The following AMMECR1 variants were observed in gnomAD, a reference collection of about 807,000 sequenced individuals.
AMMECR1 encodes the protein nuclear protein AMMECR1.
A neutral mutation model predicts 22.5 loss-of-function variants in AMMECR1; 3 were observed. The observed-to-expected ratio is 0.13, with a 90% CI of 0.06 to 0.35. The LOEUF is 0.35. AMMECR1 is among the 10% of genes least tolerant of loss of function. The pLI, the probability that AMMECR1 is intolerant of heterozygous loss-of-function variation, is 1.00. For synonymous variants in AMMECR1, 130 were observed against 116.7 expected (o/e 1.11, Z -0.74); for missense variants, 235 against 278.7 (o/e 0.84, Z 1.12).
At chrX:110,312,743 G>A (rs1198217486) in intron 1 of AMMECR1, among the ~76,000 whole-genome samples, 1 of 111,322 alleles carries the variant, frequency 9.0e-6, no homozygotes, top group Non-Finnish European at 1.9e-5. Flanking sequence ...CATAAGATAC[G>A]ACATCAGATT....
At chrX:110,347,724 T>G (rs1339893441) in intron 2 of AMMECR1, among the ~76,000 whole-genome samples, 1 of 112,675 alleles carries the variant, frequency 8.9e-6, no homozygotes, top group Non-Finnish European at 1.9e-5. Context: ...CTGTCAGAGC[T>G]GCTTGTAACA....
chrX:110,314,981 G>A (rs1488218211), intron 1 of AMMECR1, among the ~76,000 whole-genome samples: 1 of 111,606 alleles, frequency 9.0e-6, no homozygotes, highest in African/African-American at 3.3e-5. Flanking sequence ...GTGCGTTTAC[G>A]TATGAGAAGT....
rs1602771431 is a variant in AMMECR1, at chrX:110,198,783, G to A, written c.888-149C>T. The A allele has an allele frequency of 2.3e-5, 10 of 441,736 alleles. No individual in the cohort carries two copies. In the East Asian group the frequency reaches 3.9e-4, roughly 17 times the overall value. 36.4% of individuals were successfully genotyped at this position (441,736 alleles called of 1,213,427 possible). Reference sequence around the variant, plus strand: ...GTGACTGCCCAAGGTCACAGAGATAGTAAGTAGCAAAGCTAAGATCAGAAC... The same window carrying A: ...GTGACTGCCCAAGGTCACAGAGATAATAAGTAGCAAAGCTAAGATCAGAAC... On this transcript the variant is annotated intron_variant, in intron 5 of 5. Transcript: ENST00000262844.
chrX:110,318,202 C>G, upstream of AMMECR1: 1 of 453,291 alleles, frequency 2.2e-6, no homozygotes. Context: ...GCGCCGCTCC[C>G]GGCCCCGTCT....
At chrX:110,209,107 C>T (rs964093582) in intron 3 of AMMECR1, among the ~76,000 whole-genome samples, 2 of 90,058 alleles carry the variant, frequency 2.2e-5, no homozygotes, top group East Asian at 3.7e-4. Flanking sequence ...ACAGGGTGGG[C>T]GGGGGGAAGA....
At chrX:110,334,259 G>A (rs1340375025) in intron 2 of AMMECR1, among the ~76,000 whole-genome samples, 2 of 111,476 alleles carry the variant, frequency 1.8e-5, no homozygotes, top group Non-Finnish European at 3.8e-5. Context: ...TTTGCACCCT[G>A]GTGTGTGGAC....
chrX:110,439,344 G>A (rs1013150410), intron 1 of AMMECR1, among the ~76,000 whole-genome samples: 13 of 112,281 alleles, frequency 1.2e-4, no homozygotes, highest in African/African-American at 2.3e-4. Context: ...GTGGGATAGC[G>A]TGGAGCCTCC....
intron 2 of AMMECR1, among the ~76,000 whole-genome samples, chrX:110,336,500 A>G (rs930527351): frequency 2.7e-5 from 3 of 110,937 alleles, no homozygotes; most frequent in Non-Finnish European, 5.7e-5. Flanking sequence ...CCTCGCCAAC[A>G]TGGTGAAACC....
chrX:110,255,263 C>T (rs185021632), intron 2 of AMMECR1, among the ~76,000 whole-genome samples: 62 of 111,412 alleles, frequency 5.6e-4, no homozygotes, highest in Non-Finnish European at 1.0e-3. Flanking sequence ...CTGTCTGAGC[C>T]CCACTGTAAT....
At chrX:110,434,723 GA>G (rs1295730335) in intron 1 of AMMECR1, among the ~76,000 whole-genome samples, 4 of 111,396 alleles carry the variant, frequency 3.6e-5, no homozygotes, top group Non-Finnish European at 7.5e-5. Flanking sequence ...TGTCCAGCAA[GA>G]AACTGGGAAT....
rs1447286216 is a variant in AMMECR1, at chrX:110,221,162, G to A, written c.585-4530C>T. 3.6e-5 allele frequency among the ~76,000 whole-genome samples: 4 copies of A among 112,086 alleles called. No individual in the cohort carries two copies. In the Admixed American group the frequency reaches 3.8e-4, roughly 11 times the overall value. On this transcript the variant is annotated intron_variant, in intron 2 of 5. Transcript: ENST00000262844. ...AAATTAAAAATCCCTGTTTGGACAG[G>A]CAAAGAGAAGCAATTCAACTATGTT...
At chrX:110,399,031 T>C (rs934834844) in intron 2 of AMMECR1, among the ~76,000 whole-genome samples, 11 of 112,234 alleles carry the variant, frequency 9.8e-5, no homozygotes, top group African/African-American at 3.6e-4. Context: ...TAGCCGTTTC[T>C]CAGTGAATGT....
chrX:110,351,022 A>G (rs1339015433), intron 2 of AMMECR1, among the ~76,000 whole-genome samples: 2 of 112,182 alleles, frequency 1.8e-5, no homozygotes, highest in African/African-American at 6.5e-5. Flanking sequence ...CAAAAGAATA[A>G]AATAGGAATA....
intron 1 of AMMECR1, among the ~76,000 whole-genome samples, chrX:110,267,318 C>T (rs2067775060): frequency 9.0e-6 from 1 of 110,593 alleles, no homozygotes; most frequent in South Asian, 3.9e-4. Flanking sequence ...TAAAAGCGTT[C>T]CTATTTCTCC....
chrX:110,331,190 C>T (rs1212328848), intron 2 of AMMECR1, among the ~76,000 whole-genome samples: 1 of 108,891 alleles, frequency 9.2e-6, no homozygotes, highest in Non-Finnish European at 1.9e-5. Flanking sequence ...GCTACCTGTC[C>T]TTCAGGCCTC....
intron 2 of AMMECR1, among the ~76,000 whole-genome samples, chrX:110,233,529 A>G (rs766548936): frequency 5.0e-4 from 56 of 112,179 alleles, no homozygotes; most frequent in African/African-American, 1.7e-3. Context: ...GACGCAACAA[A>G]AAAGAGAATT....
chrX:110,375,966 A>G (rs977880111), intron 2 of AMMECR1, among the ~76,000 whole-genome samples: 7 of 111,577 alleles, frequency 6.3e-5, no homozygotes, highest in Admixed American at 5.7e-4. Flanking sequence ...CAGTAATGCT[A>G]TGTCCTGTCT....
intron 2 of AMMECR1, among the ~76,000 whole-genome samples, chrX:110,395,285 G>T (rs1165076270): frequency 8.9e-6 from 1 of 111,948 alleles, no homozygotes; most frequent in East Asian, 2.8e-4. Context: ...ACATTAAAGA[G>T]GACCATTGCA....
At chrX:110,357,472 G>T (rs1238290815) in intron 2 of AMMECR1, among the ~76,000 whole-genome samples, 2 of 112,226 alleles carry the variant, frequency 1.8e-5, no homozygotes. Flanking sequence ...AGACCAAATG[G>T]CCAGTTTCTG....
Sources: allele counts gnomAD v4.1 joint callset (sites outside exome capture counted in the v4.1 genomes callset), GRCh38; gene constraint gnomAD v4.1.1; transcripts MANE v1.5; gene names NCBI Gene and HGNC (gene_info 2026-07-23, HGNC 2026-07-21).